The following TTC27 variants were observed in gnomAD, a reference collection of about 807,000 sequenced individuals.
TTC27 encodes tetratricopeptide repeat domain 27.
TTC27 carries 79 observed loss-of-function variants against 115.9 expected under a neutral mutation model. The ratio of observed to expected loss-of-function variants is 0.68; its 90% CI spans 0.57 to 0.82. The LOEUF (loss-of-function observed/expected upper bound fraction) is 0.82, where lower values mean the gene tolerates loss of function less well. Among genes scored for constraint, TTC27 ranks in the 40% least tolerant of loss-of-function variants. The pLI, the probability that TTC27 is intolerant of heterozygous loss-of-function variation, is 0.00. For missense variants in TTC27, 1,054 were observed against 993.1 expected, an observed-to-expected ratio of 1.06 and a Z score of -0.82; for synonymous variants, 401 against 356.0, an observed-to-expected ratio of 1.13 and a Z score of -1.42.
intron 16 of TTC27, among the ~76,000 whole-genome samples, chr2:32,805,031 T>C (rs1361051600): frequency 6.6e-6 from 1 of 152,084 alleles, no homozygotes; most frequent in Non-Finnish European, 1.5e-5. Context: ...TAAAAGAACT[T>C]AATAGAAAGG....
intron 2 of TTC27, among the ~76,000 whole-genome samples, chr2:32,632,836 GT>G (rs1664267132): frequency 1.3e-5 from 2 of 152,166 alleles, no homozygotes; most frequent in East Asian, 3.9e-4. Context: ...CTAATTTAGG[GT>G]TTGGCACATT....
intron 14 of TTC27, among the ~76,000 whole-genome samples, chr2:32,779,854 T>C (rs1323917131): frequency 1.3e-5 from 2 of 152,236 alleles, no homozygotes; most frequent in African/African-American, 4.8e-5. Context: ...AACTTCATTC[T>C]TTTACATGTA....
chr2:32,645,394 T>C (rs1664815607), intron 4 of TTC27, among the ~76,000 whole-genome samples: 1 of 152,250 alleles, frequency 6.6e-6, no homozygotes, highest in South Asian at 2.1e-4. Context: ...CTCCCTGCTG[T>C]CTGGGAGGTT....
chr2:32,808,458 C>T (rs1453319616), intron 16 of TTC27, among the ~76,000 whole-genome samples: 1 of 152,194 alleles, frequency 6.6e-6, no homozygotes, highest in Non-Finnish European at 1.5e-5. Context: ...CCTCCCTCCT[C>T]TCTCTTCTGG....
In TTC27 at chr2:32,736,691, T is replaced by C. The variant is rs1444995572; in HGVS notation, c.1330-3T>C. 1 of 1,613,742 alleles carries C rather than the reference T, an allele frequency of 6.2e-7. No homozygotes were observed. Among genetic ancestry groups the C allele is most frequent in the African/African-American group, 1.3e-5 (1 of 75,038 alleles). On this transcript the variant is annotated splice_region_variant and splice_polypyrimidine_tract_variant and intron_variant, in intron 11 of 19. Transcript: ENST00000317907. ...ATTAATTATTTTTACTTGATTTTTC[T>C]AGCGCCAACTTGCAAGTTTGCTCTT... is the stretch of plus-strand genomic sequence containing the variant.
chr2:32,749,357 C>G (rs929536414), intron 12 of TTC27, among the ~76,000 whole-genome samples: 3 of 152,338 alleles, frequency 2.0e-5, no homozygotes, highest in Admixed American at 2.0e-4. Context: ...ATTCTGCCCC[C>G]TCCAGTGGCT....
chr2:32,700,760 G>A (rs551756427), intron 9 of TTC27, among the ~76,000 whole-genome samples: 2 of 152,024 alleles, frequency 1.3e-5, no homozygotes, highest in Admixed American at 6.6e-5. Context: ...GGTTGGTCTC[G>A]AACTCCTGAC....
intron 6 of TTC27, among the ~76,000 whole-genome samples, chr2:32,666,169 C>G (rs115572135): frequency 1.3e-5 from 2 of 152,104 alleles, no homozygotes. Flanking sequence ...AAATTTTGGT[C>G]TTACATGAAG....
chr2:32,667,765 A>G (rs1353643484), intron 7 of TTC27, among the ~76,000 whole-genome samples: 2 of 148,362 alleles, frequency 1.3e-5, no homozygotes, highest in African/African-American at 4.9e-5. Flanking sequence ...AGTATCTCCC[A>G]GTGATTGACC....
At chr2:32,634,071 T>C in intron 3 of TTC27, 66 bp downstream of exon 3, 2 of 1,521,842 alleles carry the variant, frequency 1.3e-6, no homozygotes, top group Non-Finnish European at 1.8e-6. Context: ...AGCAGGTCTT[T>C]ATAAACTGGA....
At chr2:32,798,919 A>C (rs572355895) in intron 16 of TTC27, among the ~76,000 whole-genome samples, 2 of 152,316 alleles carry the variant, frequency 1.3e-5, no homozygotes, top group East Asian at 1.9e-4. Flanking sequence ...GCAGGATCTC[A>C]AAGAGAAATG....
chr2:32,649,471 T>C (rs980910720), intron 4 of TTC27, among the ~76,000 whole-genome samples: 1 of 152,136 alleles, frequency 6.6e-6, no homozygotes, highest in Non-Finnish European at 1.5e-5. Flanking sequence ...CAGGGGGTTC[T>C]TGTGGGGCCT....
chr2:32,745,054 CAAAAAAA>C (rs57044153), intron 12 of TTC27, among the ~76,000 whole-genome samples: 1 of 49,864 alleles, frequency 2.0e-5, no homozygotes, highest in Admixed American at 3.3e-4. Flanking sequence ...AACTCTGTCT[CAAAAAAA>C]AAAAAAAAAA....
At chr2:32,787,406 A>G (rs146128938) in intron 16 of TTC27, among the ~76,000 whole-genome samples, 1,831 of 152,348 alleles carry the variant, frequency 0.012, 22 homozygotes, top group Non-Finnish European at 0.018. Context: ...GGTTACATAT[A>G]TAGTCACTTT....
chr2:32,704,434 C>T (rs138438717), intron 10 of TTC27, among the ~76,000 whole-genome samples: 2,068 of 152,166 alleles, frequency 0.014, 34 homozygotes, highest in African/African-American at 0.034. Context: ...GTGATCTGCC[C>T]GCCTCTGCCT....
intron 19 of TTC27, 31 bp downstream of exon 19, chr2:32,817,588 G>A: frequency 6.3e-7 from 1 of 1,579,238 alleles, no homozygotes; most frequent in Non-Finnish European, 8.7e-7. Flanking sequence ...AATTGGAATT[G>A]TCATATAGAA....
chr2:32,742,104 A>G (rs992600735), intron 12 of TTC27, among the ~76,000 whole-genome samples: 1 of 152,232 alleles, frequency 6.6e-6, no homozygotes, highest in African/African-American at 2.4e-5. Flanking sequence ...CCCACAAAAT[A>G]TGGATTGTTT....
intron 9 of TTC27, among the ~76,000 whole-genome samples, chr2:32,694,189 A>G (rs998240579): frequency 2.6e-5 from 4 of 152,246 alleles, no homozygotes; most frequent in African/African-American, 9.6e-5. Flanking sequence ...AATTATTGGA[A>G]TAAAAATATG....
intron 10 of TTC27, among the ~76,000 whole-genome samples, chr2:32,733,621 G>A (rs940573785): frequency 6.6e-6 from 1 of 152,112 alleles, no homozygotes; most frequent in African/African-American, 2.4e-5. Flanking sequence ...AGTTTTTAAT[G>A]TACATGTTTA....
Sources: allele counts gnomAD v4.1 joint callset (sites outside exome capture counted in the v4.1 genomes callset), GRCh38; gene constraint gnomAD v4.1.1; transcripts MANE v1.5; gene names NCBI Gene and HGNC (gene_info 2026-07-23, HGNC 2026-07-21).